PRKCH: variants seen among roughly 807,000 people sequenced by gnomAD.
PRKCH encodes protein kinase C eta type.
Under a neutral mutation model 82.5 loss-of-function variants are expected in PRKCH, and 28 were observed. The observed-to-expected ratio is 0.34, with a 90% CI of 0.25 to 0.47. PRKCH has a LOEUF of 0.47. PRKCH is among the 20% of genes least tolerant of loss of function. The pLI is 1.00. For synonymous variants in PRKCH, 322 were observed against 327.4 expected (o/e 0.98, Z 0.18); for missense variants, 705 against 881.8 (o/e 0.80, Z 2.54).
intron 1 of PRKCH, among the ~76,000 whole-genome samples, chr14:61,222,180 T>C (rs2044661584): frequency 6.6e-6 from 1 of 152,236 alleles, no homozygotes; most frequent in Non-Finnish European, 1.5e-5. Context: ...GAGGCATTGC[T>C]TTTTGCTGCA....
chr14:61,468,733 CATT>C (rs2140308963), intron 9 of PRKCH, among the ~76,000 whole-genome samples: 1 of 152,282 alleles, frequency 6.6e-6, no homozygotes, highest in Non-Finnish European at 1.5e-5. Flanking sequence ...TGGTAGCCAT[CATT>C]ATCACTGACA....
At chr14:61,468,404 A>G (rs1286133449) in intron 9 of PRKCH, among the ~76,000 whole-genome samples, 1 of 152,104 alleles carries the variant, frequency 6.6e-6, no homozygotes, top group Admixed American at 6.5e-5. Flanking sequence ...TGGGGCCAAC[A>G]TATGTTGGAC....
At chr14:61,549,194 G>A (rs994210479) in intron 13 of PRKCH, among the ~76,000 whole-genome samples, 1 of 152,184 alleles carries the variant, frequency 6.6e-6, no homozygotes, top group African/African-American at 2.4e-5. Flanking sequence ...AGAGTAAAAT[G>A]ACCAACAGTT....
At chr14:61,476,236 C>T (rs1885721220) in intron 9 of PRKCH, 1 of 152,178 alleles carries the variant, frequency 6.6e-6, no homozygotes, top group Non-Finnish European at 1.5e-5. Context: ...ATTATGTTCA[C>T]TCTTGAAGCA....
At chr14:61,382,030 G>A (rs529847131) in intron 1 of PRKCH, among the ~76,000 whole-genome samples, 2 of 152,178 alleles carry the variant, frequency 1.3e-5, no homozygotes, top group Non-Finnish European at 2.9e-5. Context: ...TCTGTGCAAC[G>A]GTGATGGTAG....
intron 1 of PRKCH, among the ~76,000 whole-genome samples, chr14:61,331,553 C>T (rs1013708755): frequency 1.3e-5 from 2 of 152,048 alleles, no homozygotes; most frequent in African/African-American, 4.8e-5. Flanking sequence ...ACAAAAAAAC[C>T]CCTCTTTTTA....
intron 1 of PRKCH, among the ~76,000 whole-genome samples, chr14:61,269,029 C>T (rs775440550): frequency 1.3e-5 from 2 of 152,146 alleles, no homozygotes; most frequent in Non-Finnish European, 2.9e-5. Flanking sequence ...TTGGCAAAGA[C>T]ATTTGGTGAA....
At chr14:61,325,749 G>A (rs1296696051) in intron 1 of PRKCH, among the ~76,000 whole-genome samples, 1 of 152,120 alleles carries the variant, frequency 6.6e-6, no homozygotes, top group African/African-American at 2.4e-5. Context: ...AACTCTAACA[G>A]CACAATAATA....
chr14:61,225,168 C>G (rs2044687549), intron 1 of PRKCH, among the ~76,000 whole-genome samples: 1 of 152,108 alleles, frequency 6.6e-6, no homozygotes, highest in African/African-American at 2.4e-5. Context: ...TGATCTGAGC[C>G]CTGAAAAAGA....
chr14:61,205,882 C>T (rs2044519339), intron 1 of PRKCH, among the ~76,000 whole-genome samples: 1 of 152,192 alleles, frequency 6.6e-6, no homozygotes, highest in Non-Finnish European at 1.5e-5. Context: ...TTCATCAAAG[C>T]TCCCTCTTTT....
At chr14:61,396,464 T>G (rs2046784922) in intron 2 of PRKCH, among the ~76,000 whole-genome samples, 1 of 152,060 alleles carries the variant, frequency 6.6e-6, no homozygotes, top group South Asian at 2.1e-4. Context: ...GCTGGAGAGA[T>G]AAAGATGAAC....
intron 1 of PRKCH, among the ~76,000 whole-genome samples, chr14:61,377,929 C>T (rs1310830268): frequency 6.6e-6 from 1 of 152,186 alleles, no homozygotes. Context: ...TCTAGTGGCT[C>T]CCCTTGGCCT....
chr14:61,480,065 G>A (rs1885899847), intron 9 of PRKCH, among the ~76,000 whole-genome samples: 2 of 152,218 alleles, frequency 1.3e-5, no homozygotes, highest in African/African-American at 4.8e-5. Flanking sequence ...TACCACACAG[G>A]TCAGGGCAGA....
chr14:61,523,882 C>G (rs2042934580), intron 10 of PRKCH, among the ~76,000 whole-genome samples: 1 of 152,088 alleles, frequency 6.6e-6, no homozygotes, highest in Non-Finnish European at 1.5e-5. Context: ...TCAAAATAAT[C>G]TGATAAAAGA....
chr14:61,479,018 C>T (rs1158829013), intron 9 of PRKCH, among the ~76,000 whole-genome samples: 1 of 152,204 alleles, frequency 6.6e-6, no homozygotes, highest in Non-Finnish European at 1.5e-5. Flanking sequence ...AACCCAAGGG[C>T]AGGAGTTGGC....
intron 2 of PRKCH, among the ~76,000 whole-genome samples, chr14:61,395,856 G>C (rs934690943): frequency 6.6e-6 from 1 of 152,124 alleles, no homozygotes; most frequent in Non-Finnish European, 1.5e-5. Context: ...GAGGCAGGCA[G>C]ATTGCTTGAG....
chr14:61,486,314 A>G (rs1467661730), intron 10 of PRKCH, among the ~76,000 whole-genome samples: 1 of 152,112 alleles, frequency 6.6e-6, no homozygotes, highest in East Asian at 1.9e-4. Context: ...CATGTGGAGC[A>G]TGGCTCACCA....
intron 1 of PRKCH, among the ~76,000 whole-genome samples, chr14:61,311,470 C>A (rs2045523213): frequency 6.6e-6 from 1 of 152,238 alleles, no homozygotes; most frequent in Non-Finnish European, 1.5e-5. Context: ...TTGGCTCCAA[C>A]CATTCAACAA....
intron 1 of PRKCH, among the ~76,000 whole-genome samples, chr14:61,205,763 G>T (rs1034608049): frequency 2.0e-5 from 3 of 152,222 alleles, no homozygotes; most frequent in Non-Finnish European, 2.9e-5. Context: ...AGGAATGGTA[G>T]TCGGTGGTGA....
Sources: allele counts gnomAD v4.1 joint callset (sites outside exome capture counted in the v4.1 genomes callset), GRCh38; gene constraint gnomAD v4.1.1; transcripts MANE v1.5; gene names NCBI Gene and HGNC (gene_info 2026-07-23, HGNC 2026-07-21).